Variants in TENM2 observed in about 807,000 individuals in gnomAD.
TENM2 encodes the protein teneurin-2.
A neutral mutation model predicts 245.2 loss-of-function variants in TENM2; 52 were observed. The observed-to-expected ratio is 0.21, with a 90% CI of 0.17 to 0.27. The LOEUF is 0.27. Ranked by LOEUF, TENM2 falls within the 10% of genes least tolerant of loss-of-function variation. TENM2 has a pLI of 1.00. For missense variants in TENM2, 3,046 were observed against 3,666.8 expected (o/e 0.83, Z 4.37); for synonymous variants, 1,363 against 1,438.9 (o/e 0.95, Z 1.19).
intron 2 of TENM2, among the ~76,000 whole-genome samples, chr5:167,510,453 C>T (rs1020396688): frequency 6.6e-6 from 1 of 152,152 alleles, no homozygotes; most frequent in African/African-American, 2.4e-5. Context: ...AATGCCATTG[C>T]TCTTGGAAGA....
intron 2 of TENM2, among the ~76,000 whole-genome samples, chr5:167,595,754 T>C (rs1053174932): frequency 5.3e-5 from 8 of 152,170 alleles, no homozygotes; most frequent in African/African-American, 1.4e-4. Context: ...AGATCTAGGG[T>C]TGGTAAGAGT....
At chr5:167,856,141 A>G (rs979946966) in intron 2 of TENM2, among the ~76,000 whole-genome samples, 1 of 152,160 alleles carries the variant, frequency 6.6e-6, no homozygotes, top group South Asian at 2.1e-4. Context: ...TTGCTTAAAC[A>G]AACAATGTGA....
chr5:167,713,093 A>T (rs534090072), intron 2 of TENM2, among the ~76,000 whole-genome samples: 1 of 152,220 alleles, frequency 6.6e-6, no homozygotes, highest in African/African-American at 2.4e-5. Flanking sequence ...GTGTATACAC[A>T]TGTATATTTT....
intron 2 of TENM2, among the ~76,000 whole-genome samples, chr5:167,378,643 T>C (rs1385526689): frequency 6.6e-6 from 1 of 152,114 alleles, no homozygotes; most frequent in Non-Finnish European, 1.5e-5. Context: ...AACTTTAAAT[T>C]AGAGTCCATA....
the TENM2 span, among the ~76,000 whole-genome samples, chr5:167,170,918 T>A: frequency 6.8e-6 from 1 of 146,704 alleles, no homozygotes; most frequent in Non-Finnish European, 1.5e-5. Context: ...CCTAAAACTC[T>A]TTTTTCATTT....
intron 2 of TENM2, among the ~76,000 whole-genome samples, chr5:167,776,597 A>G (rs1295173809): frequency 7.9e-5 from 6 of 75,980 alleles, no homozygotes; most frequent in African/African-American, 3.3e-4. Flanking sequence ...CTGTCTGAAA[A>G]AAAAAAAAAA....
intron 2 of TENM2, among the ~76,000 whole-genome samples, chr5:167,510,633 A>G (rs901414006): frequency 1.3e-5 from 2 of 151,590 alleles, no homozygotes; most frequent in Non-Finnish European, 2.9e-5. Context: ...GAAAAGAAAG[A>G]AAGGAAGGAA....
At chr5:167,939,159 A>G (rs115283287) in intron 3 of TENM2, among the ~76,000 whole-genome samples, 1,823 of 152,246 alleles carry the variant, frequency 0.012, 33 homozygotes, top group African/African-American at 0.041. Context: ...CCTTTTTGGC[A>G]CCGAGGACCA....
intron 4 of TENM2, among the ~76,000 whole-genome samples, chr5:167,979,664 G>C (rs1169240622): frequency 6.6e-6 from 1 of 152,046 alleles, no homozygotes; most frequent in Non-Finnish European, 1.5e-5. Flanking sequence ...ATCTACAGTG[G>C]AAATAATCAT....
chr5:167,117,602 G>A, the TENM2 span, among the ~76,000 whole-genome samples: 18 of 152,296 alleles, frequency 1.2e-4, no homozygotes, highest in South Asian at 2.9e-3. Flanking sequence ...AATTAGAAAG[G>A]ATGGATAGGT....
chr5:167,682,094 A>ATCCCTCCC (rs1210507799), intron 2 of TENM2, among the ~76,000 whole-genome samples: 2 of 92,194 alleles, frequency 2.2e-5, no homozygotes, highest in African/African-American at 7.5e-5. Context: ...TCCTTCCTCC[A>ATCCCTCCC]TCCCTCCCTC....
the TENM2 span, among the ~76,000 whole-genome samples, chr5:167,008,313 G>C: frequency 1.3e-5 from 2 of 152,098 alleles, no homozygotes; most frequent in African/African-American, 2.4e-5. Context: ...GCTGAATAAA[G>C]GAGTTGATAT....
intron 27 of TENM2, among the ~76,000 whole-genome samples, chr5:168,249,161 A>G (rs1229850842): frequency 6.6e-6 from 1 of 151,666 alleles, no homozygotes; most frequent in African/African-American, 2.4e-5. Context: ...TTGTGTAGTT[A>G]TAGTCTAGTG....
intron 2 of TENM2, among the ~76,000 whole-genome samples, chr5:167,434,153 G>A (rs1164780414): frequency 6.6e-6 from 1 of 151,988 alleles, no homozygotes; most frequent in African/African-American, 2.4e-5. Flanking sequence ...TGGGCGCAGT[G>A]GCTCACGCCT....
chr5:167,087,652 T>G, the TENM2 span, among the ~76,000 whole-genome samples: 1 of 152,190 alleles, frequency 6.6e-6, no homozygotes, highest in Non-Finnish European at 1.5e-5. Context: ...TCACGGAGCT[T>G]AGAATCTCTG....
intron 13 of TENM2, among the ~76,000 whole-genome samples, chr5:168,175,654 C>A (rs567884587): frequency 7.9e-5 from 12 of 152,304 alleles, no homozygotes; most frequent in African/African-American, 2.9e-4. Flanking sequence ...CTTGTTCATT[C>A]TTCTCTCAGA....
chr5:167,445,336 T>TATATATATATAG (rs368881390), intron 2 of TENM2, among the ~76,000 whole-genome samples: 18 of 77,294 alleles, frequency 2.3e-4, no homozygotes, highest in African/African-American at 8.9e-4. Flanking sequence ...TATATATATA[T>TATATATATATAG]AGAGAGAGAG....
intron 7 of TENM2, among the ~76,000 whole-genome samples, chr5:168,085,994 G>T (rs1323690144): frequency 6.6e-6 from 1 of 152,204 alleles, no homozygotes; most frequent in Admixed American, 6.5e-5. Flanking sequence ...TTTCCCATTC[G>T]TGTTGACCCT....
At chr5:167,860,187 T>TC (rs1771619701) in intron 2 of TENM2, among the ~76,000 whole-genome samples, 1 of 62,162 alleles carries the variant, frequency 1.6e-5, no homozygotes, top group Non-Finnish European at 3.2e-5. Context: ...GGGAGGGAGG[T>TC]GGGGGGGTCA....
Sources: allele counts gnomAD v4.1 joint callset (sites outside exome capture counted in the v4.1 genomes callset), GRCh38; gene constraint gnomAD v4.1.1; transcripts MANE v1.5; gene names NCBI Gene and HGNC (gene_info 2026-07-23, HGNC 2026-07-21).